AADACL2: variants seen among roughly 807,000 people sequenced by gnomAD.
AADACL2 encodes the protein arylacetamide deacetylase-like 2.
Under a neutral mutation model 22.3 loss-of-function variants are expected in AADACL2, and 23 were observed. That is an observed-to-expected ratio of 1.03 (90% CI 0.74 to 1.46). AADACL2 has a LOEUF of 1.46. Ranked by LOEUF, AADACL2 falls within the 40% of genes most tolerant of loss-of-function variation. AADACL2 has a pLI of 0.00. For missense variants in AADACL2, 472 were observed against 482.9 expected (o/e 0.98, Z 0.21); for synonymous variants, 177 against 166.2 (o/e 1.07, Z -0.50).
In AADACL2 at chr3:151,750,870, T is replaced by G. The variant is rs1713641932; in HGVS notation, c.603+5190T>G. Among the ~76,000 whole-genome samples the G allele has an allele frequency of 2.0e-5, 3 of 152,220 alleles. No homozygotes were observed. The South Asian group carries it at 6.2e-4, about 32-fold the overall frequency. On this transcript the variant is annotated intron_variant, in intron 4 of 4. Transcript: ENST00000356517. ...ATGCCTATACGTATATATTAATCTA[T>G]GACATCATACACACAAAACCCTATT...
At chr3:151,753,513 T>C (rs924383351) in intron 4 of AADACL2, among the ~76,000 whole-genome samples, 60 of 152,136 alleles carry the variant, frequency 3.9e-4, no homozygotes, top group African/African-American at 1.4e-3. Flanking sequence ...TGGTGGTTCA[T>C]AGTTTATCCA....
chr3:151,744,891 G>A (rs1384830968), intron 3 of AADACL2, among the ~76,000 whole-genome samples: 1 of 151,966 alleles, frequency 6.6e-6, no homozygotes, highest in Non-Finnish European at 1.5e-5. Context: ...ACACACACTG[G>A]GGAAAAAATA....
intron 4 of AADACL2, among the ~76,000 whole-genome samples, chr3:151,747,249 T>C (rs948711102): frequency 6.6e-6 from 1 of 152,182 alleles, no homozygotes; most frequent in African/African-American, 2.4e-5. Context: ...TTCTCTATGG[T>C]GAGCATGTTT....
intron 1 of AADACL2, among the ~76,000 whole-genome samples, chr3:151,736,848 G>T (rs1713105580): frequency 6.6e-6 from 1 of 152,136 alleles, no homozygotes; most frequent in Non-Finnish European, 1.5e-5. Flanking sequence ...CCAGTAATGG[G>T]ATTGCTGGGT....
intron 2 of AADACL2, among the ~76,000 whole-genome samples, chr3:151,741,455 GA>G (rs1283368235): frequency 6.6e-6 from 1 of 151,892 alleles, no homozygotes; most frequent in African/African-American, 2.4e-5. Context: ...TTTTTGTGAA[GA>G]AAAAAGACAC....
rs1214957869 is a variant in AADACL2 at position 151,757,716 on chromosome 3, G to C, written c.*122G>C. On this transcript the variant is annotated 3_prime_UTR_variant, in exon 5 of 5. Coordinates refer to ENST00000356517, the MANE Select transcript of AADACL2 (RefSeq NM_207365.4). Reference sequence around the variant, plus strand: ...ATCTACATTTGCAACATTTGTAGCAGTTAATGTGTGTCCTTGAAGAGTTAT... The same window carrying C: ...ATCTACATTTGCAACATTTGTAGCACTTAATGTGTGTCCTTGAAGAGTTAT... 1 of 1,225,384 alleles carries C rather than the reference G, an allele frequency of 8.2e-7. No homozygotes were observed. The highest frequency in any genetic ancestry group is 1.1e-6 in the Non-Finnish European group (1 of 889,526). 75.9% of individuals were successfully genotyped at this position (1,225,384 alleles called of 1,614,324 possible).
chr3:151,744,697 C>A (rs2107984235), intron 3 of AADACL2, among the ~76,000 whole-genome samples: 1 of 152,168 alleles, frequency 6.6e-6, no homozygotes, highest in South Asian at 2.1e-4. Flanking sequence ...CTTTTTGGTA[C>A]ACATCTATGT....
At chr3:151,742,295 A>G (rs1576612349) in intron 2 of AADACL2, among the ~76,000 whole-genome samples, 1 of 152,010 alleles carries the variant, frequency 6.6e-6, no homozygotes, top group East Asian at 1.9e-4. Flanking sequence ...ATTTATCCTC[A>G]TATCTTTTTG....
At chr3:151,752,774 T>C (rs1713719399) in intron 4 of AADACL2, among the ~76,000 whole-genome samples, 1 of 152,200 alleles carries the variant, frequency 6.6e-6, no homozygotes, top group Non-Finnish European at 1.5e-5. Flanking sequence ...AAAATAAGTA[T>C]TTCAATGTAG....
chr3:151,759,475 C>G lies in AADACL2; in HGVS notation c.*1881C>G, dbSNP rs1323121671. On this transcript the variant is annotated 3_prime_UTR_variant, in exon 5 of 5. Transcript: ENST00000356517. ...AAAAATCCTTTTAATTTTGTAAGCA[C>G]TACACTAGTGTGTCATGTCACTAGT... The G allele has an allele frequency of 6.6e-6, 1 of 152,162 alleles. No individual in the cohort carries two copies. Among genetic ancestry groups the G allele is most frequent in the South Asian group, 2.1e-4 (1 of 4,830 alleles). 9.4% of individuals were successfully genotyped at this position (152,162 alleles called of 1,614,324 possible). A position where few individuals can be genotyped will look rare whatever the true frequency, so the allele number is the denominator to read the frequency against.
intron 4 of AADACL2, among the ~76,000 whole-genome samples, chr3:151,747,622 G>A (rs1713497002): frequency 2.1e-5 from 3 of 144,364 alleles, no homozygotes; most frequent in Admixed American, 6.7e-5. Flanking sequence ...GTGTGTTTGT[G>A]TGTGTGTGTG....
chr3:151,753,447 T>C (rs962736532), intron 4 of AADACL2, among the ~76,000 whole-genome samples: 5 of 152,122 alleles, frequency 3.3e-5, no homozygotes, highest in Non-Finnish European at 5.9e-5. Context: ...TCCAGCATGG[T>C]TGGAACATGC....
In AADACL2 at chr3:151,741,962, A is replaced by T. The variant is rs75136094; in HGVS notation, c.361+1094A>T. On this transcript the variant is annotated intron_variant, in intron 2 of 4. Transcript: ENST00000356517. Reference sequence around the variant, plus strand: ...AACATTCTGCTTAGCTAAATTCTAGATGTCTTTTGTCAATATTTTGGTTTT... The same window carrying T: ...AACATTCTGCTTAGCTAAATTCTAGTTGTCTTTTGTCAATATTTTGGTTTT... Among the ~76,000 whole-genome samples the T allele has an allele frequency of 8.4e-3, 1,281 of 152,240 alleles. 19 individuals carry two copies. The highest frequency in any genetic ancestry group is 0.029 in the African/African-American group (1,226 of 41,568).
At chr3:151,744,662 G>A (rs868564004) in intron 3 of AADACL2, among the ~76,000 whole-genome samples, 6 of 152,154 alleles carry the variant, frequency 3.9e-5, no homozygotes, top group Middle Eastern at 3.4e-3. Flanking sequence ...TAAATCCACT[G>A]CATTTTAAAT....
intron 4 of AADACL2, among the ~76,000 whole-genome samples, chr3:151,750,735 TAGA>T (rs796250186): frequency 2.3e-4 from 35 of 152,302 alleles, no homozygotes; most frequent in African/African-American, 8.2e-4. Context: ...ATTAGAGCAC[TAGA>T]AGAAGTTTAT....
At chr3:151,744,294 A>T (rs1384434695) in intron 3 of AADACL2, 132 bp downstream of exon 3, 2 of 755,608 alleles carry the variant, frequency 2.6e-6, no homozygotes, top group African/African-American at 3.5e-5. Flanking sequence ...CCATTGCAAC[A>T]TAGACTGCTC....
intron 1 of AADACL2, among the ~76,000 whole-genome samples, chr3:151,737,031 A>G (rs901557138): frequency 6.6e-6 from 1 of 152,102 alleles, no homozygotes; most frequent in African/African-American, 2.4e-5. Context: ...ACACTTCTCT[A>G]GTTCTTTTAA....
intron 4 of AADACL2, among the ~76,000 whole-genome samples, chr3:151,748,245 T>C (rs142941347): frequency 6.2e-4 from 95 of 152,342 alleles, no homozygotes; most frequent in African/African-American, 2.2e-3. Context: ...TACAGTTTTA[T>C]ATTAAGTGTT....
In AADACL2 at chr3:151,759,450, A is replaced by G. The variant is rs1714073649; in HGVS notation, c.*1856A>G. ...AACATTTTCACAGTGATTCCTGACTAAAAATCCTTTTAATTTTGTAAGCAC... is the reference window on the plus strand; with the variant it reads ...AACATTTTCACAGTGATTCCTGACTGAAAATCCTTTTAATTTTGTAAGCAC... On this transcript the variant is annotated 3_prime_UTR_variant, in exon 5 of 5. Transcript: ENST00000356517. 6.6e-6 allele frequency: 1 copy of G among 152,182 alleles called. No homozygotes were observed. The highest frequency in any genetic ancestry group is 1.5e-5 in the Non-Finnish European group (1 of 68,014). 9.4% of individuals were successfully genotyped at this position (152,182 alleles called of 1,614,324 possible).
Sources: gnomAD v4.1 joint callset for allele counts (sites outside exome capture counted in the v4.1 genomes callset) on GRCh38, gnomAD v4.1.1 for gene constraint, MANE v1.5 for transcripts, NCBI Gene and HGNC (gene_info 2026-07-23, HGNC 2026-07-21) for gene names.